RILPL1: variants seen among roughly 807,000 people sequenced by gnomAD.
The protein encoded by RILPL1 is RILP-like protein 1.
A neutral mutation model predicts 50.3 loss-of-function variants in RILPL1; 33 were observed. The observed-to-expected ratio is 0.66, with a 90% CI of 0.50 to 0.88. The LOEUF (loss-of-function observed/expected upper bound fraction) is 0.88, where lower values mean the gene tolerates loss of function less well. Ranked by LOEUF, RILPL1 falls within the 40% of genes least tolerant of loss-of-function variation. The pLI is 0.00. For missense variants in RILPL1, 418 were observed against 542.5 expected (o/e 0.77, Z 2.28); for synonymous variants, 205 against 228.6 (o/e 0.90, Z 0.93).
chr12:123,523,695 GC>G, intron 1 of RILPL1, 50 bp from the exon 2 acceptor site: 1 of 1,579,504 alleles, frequency 6.3e-7, no homozygotes, highest in Admixed American at 1.9e-5. Flanking sequence ...CAGAGCAGCC[GC>G]CCCACCCACT....
At position 123,494,350 on chromosome 12, in the gene RILPL1, G is replaced by C. The variant is rs984361313; in HGVS notation, c.801+4194C>G. Among the ~76,000 whole-genome samples the C allele has an allele frequency of 2.6e-5, 4 of 152,240 alleles. No homozygotes were observed. In the South Asian group the frequency reaches 8.3e-4, roughly 32 times the overall value. ...GATGCGAACCCAGCAAAGCTGCCCC[G>C]AGCCTGGGAAAGCGCACTGCAAAGC... On this transcript the variant is annotated intron_variant, in intron 4 of 6. Transcript: ENST00000376874.
At chr12:123,513,998 T>G (rs562942308) in intron 2 of RILPL1, 6 of 152,152 alleles carry the variant, frequency 3.9e-5, no homozygotes, top group Non-Finnish European at 7.3e-5. Flanking sequence ...AACACTGAGA[T>G]AGACTGTTAA....
chr12:123,520,670 A>C (rs1307091737), intron 2 of RILPL1, among the ~76,000 whole-genome samples: 1 of 152,212 alleles, frequency 6.6e-6, no homozygotes, highest in Non-Finnish European at 1.5e-5. Context: ...TGCTGCTAGA[A>C]AACTTTCTAA....
chr12:123,477,987 CTTTTTTTTTTTTTTT>C (rs56296800), intron 6 of RILPL1, among the ~76,000 whole-genome samples: 2 of 41,142 alleles, frequency 4.9e-5, no homozygotes, highest in Admixed American at 4.0e-4. Flanking sequence ...ATCTGTATGT[CTTTTTTTTTTTTTTT>C]TTTTTTTTTT....
At chr12:123,520,489 G>A (rs1269911937) in intron 2 of RILPL1, among the ~76,000 whole-genome samples, 1 of 152,162 alleles carries the variant, frequency 6.6e-6, no homozygotes. Context: ...AACCTGGGAG[G>A]TGGAGGTTGC....
At chr12:123,483,913 C>T (rs1417619199) in intron 6 of RILPL1, among the ~76,000 whole-genome samples, 1 of 152,160 alleles carries the variant, frequency 6.6e-6, no homozygotes. Flanking sequence ...AAACACACTC[C>T]AGCAAGCTCC....
At chr12:123,527,861 A>C (rs1169095475) in intron 1 of RILPL1, among the ~76,000 whole-genome samples, 1 of 152,152 alleles carries the variant, frequency 6.6e-6, no homozygotes, top group Non-Finnish European at 1.5e-5. Context: ...AGAGTCCATA[A>C]GTTGGGGAAG....
chr12:123,524,481 C>T (rs1196000709), intron 1 of RILPL1, among the ~76,000 whole-genome samples: 1 of 152,136 alleles, frequency 6.6e-6, no homozygotes, highest in Non-Finnish European at 1.5e-5. Flanking sequence ...AAAACGCGTG[C>T]AGGTGAATGT....
chr12:123,490,162 G>T (rs1161978532), intron 4 of RILPL1, among the ~76,000 whole-genome samples: 1 of 152,088 alleles, frequency 6.6e-6, no homozygotes, highest in Non-Finnish European at 1.5e-5. Context: ...TTTCATAGCA[G>T]GTCAGGGCCT....
chr12:123,512,566 GTA>G (rs1214461476), intron 2 of RILPL1, among the ~76,000 whole-genome samples: 2 of 144,122 alleles, frequency 1.4e-5, no homozygotes, highest in Admixed American at 6.9e-5. Context: ...TGTGAGGTCT[GTA>G]TGTGTGTGAG....
At chr12:123,479,717 G>A (rs1031661734) in intron 6 of RILPL1, among the ~76,000 whole-genome samples, 1 of 152,180 alleles carries the variant, frequency 6.6e-6, no homozygotes, top group Admixed American at 6.5e-5. Flanking sequence ...CTGGTCACCC[G>A]CACCCTGTGG....
At chr12:123,501,526 C>T (rs1302128749) in intron 2 of RILPL1, among the ~76,000 whole-genome samples, 1 of 152,046 alleles carries the variant, frequency 6.6e-6, no homozygotes, top group East Asian at 1.9e-4. Context: ...CTTTGGGAAG[C>T]CGAGGTGGGC....
intron 1 of RILPL1, among the ~76,000 whole-genome samples, chr12:123,529,126 C>T (rs1410242498): frequency 5.9e-5 from 9 of 152,186 alleles, no homozygotes; most frequent in Admixed American, 3.9e-4. Context: ...CCTAGAATGC[C>T]TCTCCCCCAG....
chr12:123,514,698 T>C (rs775141301), intron 2 of RILPL1, among the ~76,000 whole-genome samples: 1 of 152,048 alleles, frequency 6.6e-6, no homozygotes, highest in Non-Finnish European at 1.5e-5. Flanking sequence ...ACTGCTGCAA[T>C]TACAGGTGTG....
chr12:123,515,114 T>A (rs760969638), intron 2 of RILPL1, among the ~76,000 whole-genome samples: 2 of 151,674 alleles, frequency 1.3e-5, no homozygotes, highest in African/African-American at 2.4e-5. Context: ...AATTTTTTTG[T>A]AGAGACAGGG....
intron 2 of RILPL1, among the ~76,000 whole-genome samples, chr12:123,512,507 TCTG>T (rs372642769): frequency 8.8e-5 from 10 of 114,048 alleles, no homozygotes; most frequent in Non-Finnish European, 1.5e-4. Context: ...TGGTGTGAGA[TCTG>T]TGTGTGTGTG....
At position 123,485,352 on chromosome 12, in the gene RILPL1, T is replaced by C. The variant is rs1882257502; in HGVS notation, c.974+281A>G. ...AAAAAAGAGATGAGGTCTCGCTTTG[T>C]TGCCCAGGCTAGTCTCGAATGCCTG... On this transcript the variant is annotated intron_variant, in intron 5 of 6. Transcript: ENST00000376874. The surrounding 1 kb of genome is among the most constrained non-coding windows in gnomAD (Gnocchi z 4.0). 1 of 523,332 alleles carries C rather than the reference T, an allele frequency of 1.9e-6. No individual in the cohort carries two copies. The highest frequency in any genetic ancestry group is 3.6e-6 in the Non-Finnish European group (1 of 281,228). 32.4% of individuals were successfully genotyped at this position (523,332 alleles called of 1,614,324 possible). A position where few individuals can be genotyped will look rare whatever the true frequency, so the allele number is the denominator to read the frequency against.
At chr12:123,478,873 C>T (rs1881777857) in intron 6 of RILPL1, among the ~76,000 whole-genome samples, 1 of 152,254 alleles carries the variant, frequency 6.6e-6, no homozygotes, top group African/African-American at 2.4e-5. Context: ...GCTGAAGTCA[C>T]TCCAGCACTC....
In RILPL1 at chr12:123,484,193, C is replaced by G; in HGVS notation, c.1054G>C (p.Gly352Arg). 2 of 1,608,714 alleles carry G rather than the reference C, an allele frequency of 1.2e-6. No homozygotes were observed. The highest frequency in any genetic ancestry group is 1.7e-6 in the Non-Finnish European group (2 of 1,175,694). Residue 352 changes from glycine (G) to arginine (R), a missense_variant, in exon 6 of 7, where the codon GGC becomes CGC. Transcript: ENST00000376874. ...HPRTSPQPES[G>R]IKRLFSFFSR... ...CGCATCACTTACAGTCGCTTGATGC[C>G]CGACTCCGGCTGGGGGGACGTCCTC...
Sources: allele counts gnomAD v4.1 joint callset (sites outside exome capture counted in the v4.1 genomes callset), GRCh38; gene constraint gnomAD v4.1.1; non-coding constraint Gnocchi (gnomAD v3.1); transcripts MANE v1.5; gene names NCBI Gene and HGNC (gene_info 2026-07-23, HGNC 2026-07-21).